MIPOL1: variants seen among roughly 807,000 people sequenced by gnomAD.
MIPOL1 encodes the protein mirror-image polydactyly gene 1 protein.
Under a neutral mutation model 60.9 loss-of-function variants are expected in MIPOL1, and 57 were observed. That is an observed-to-expected ratio of 0.94 (90% CI 0.76 to 1.17). MIPOL1 has a LOEUF of 1.17. MIPOL1 is among the 50% of genes most tolerant of loss of function. MIPOL1 has a pLI of 0.00. For missense variants in MIPOL1, 551 were observed against 511.6 expected (o/e 1.08, Z -0.74); for synonymous variants, 179 against 168.8 (o/e 1.06, Z -0.47).
intron 7 of MIPOL1, among the ~76,000 whole-genome samples, chr14:37,289,528 C>G (rs931582613): frequency 6.6e-6 from 1 of 152,126 alleles, no homozygotes; most frequent in Non-Finnish European, 1.5e-5. Flanking sequence ...GGGAATCTTA[C>G]TTACGTTTAT....
intron 1 of MIPOL1, among the ~76,000 whole-genome samples, chr14:37,224,658 A>G (rs1426163257): frequency 1.3e-5 from 2 of 152,114 alleles, no homozygotes; most frequent in Non-Finnish European, 2.9e-5. Context: ...TATGGGAGTT[A>G]TAATCCAAGA....
chr14:37,434,481 T>C (rs1322696854), intron 11 of MIPOL1: 2 of 152,072 alleles, frequency 1.3e-5, no homozygotes, highest in East Asian at 3.9e-4. Flanking sequence ...AAATATGGAA[T>C]GCTTCACGAA....
intron 11 of MIPOL1, among the ~76,000 whole-genome samples, chr14:37,472,310 C>G (rs1284557434): frequency 1.3e-5 from 2 of 152,034 alleles, no homozygotes; most frequent in African/African-American, 4.8e-5. Context: ...TGATTATTTG[C>G]TATTATTAGG....
At chr14:37,474,182 G>C (rs1002223407) in intron 11 of MIPOL1, among the ~76,000 whole-genome samples, 2 of 152,076 alleles carry the variant, frequency 1.3e-5, no homozygotes, top group Non-Finnish European at 2.9e-5. Context: ...AGACATCTTG[G>C]TTGTTTCCAA....
intron 11 of MIPOL1, among the ~76,000 whole-genome samples, chr14:37,447,179 A>G (rs2094350560): frequency 6.6e-6 from 1 of 152,144 alleles, no homozygotes; most frequent in Admixed American, 6.6e-5. Context: ...AAAGGCCACC[A>G]TTCAAGAAGT....
chr14:37,519,522 A>C (rs762542376), intron 12 of MIPOL1, among the ~76,000 whole-genome samples: 1 of 152,104 alleles, frequency 6.6e-6, no homozygotes, highest in Non-Finnish European at 1.5e-5. Context: ...TTGTGATTTT[A>C]AAACTATTTT....
intron 7 of MIPOL1, among the ~76,000 whole-genome samples, chr14:37,304,352 A>G (rs983444477): frequency 6.6e-6 from 1 of 151,614 alleles, no homozygotes; most frequent in Non-Finnish European, 1.5e-5. Flanking sequence ...TTTTATCAAA[A>G]ACTAGGGAAA....
chr14:37,530,844 G>A (rs925353532), intron 12 of MIPOL1, among the ~76,000 whole-genome samples: 1 of 151,232 alleles, frequency 6.6e-6, no homozygotes, highest in Non-Finnish European at 1.5e-5. Context: ...TTAAGATGGA[G>A]TCTCACTCTG....
At chr14:37,303,879 CCTT>C (rs758836925) in intron 7 of MIPOL1, among the ~76,000 whole-genome samples, 33 of 151,724 alleles carry the variant, frequency 2.2e-4, no homozygotes, top group Admixed American at 3.3e-4. Flanking sequence ...AAGAAGGACT[CCTT>C]CTGTATCAGA....
rs140678753 is a variant in MIPOL1, at chr14:37,223,527, A to T, written c.-198-23576A>T. ...TGTTTGTTTGTTTGTTTTGAGATGG[A>T]GTGTCACTCTCATTGCCCAGGCTGG... On this transcript the variant is annotated intron_variant, in intron 1 of 12. Coordinates refer to ENST00000684589, the MANE Select transcript of MIPOL1 (RefSeq NM_001388067.1). Among the ~76,000 whole-genome samples the T allele has an allele frequency of 5.7e-3, 860 of 151,006 alleles. 9 individuals are homozygous for T. The highest frequency in any genetic ancestry group is 0.02 in the African/African-American group (838 of 41,130).
At chr14:37,303,773 T>C (rs1023805232) in intron 7 of MIPOL1, among the ~76,000 whole-genome samples, 1 of 151,800 alleles carries the variant, frequency 6.6e-6, no homozygotes, top group African/African-American at 2.4e-5. Flanking sequence ...AGCATTATGG[T>C]CAAATTGACT....
At chr14:37,288,928 C>T (rs998739205) in intron 7 of MIPOL1, among the ~76,000 whole-genome samples, 18 of 152,136 alleles carry the variant, frequency 1.2e-4, no homozygotes, top group Non-Finnish European at 1.6e-4. Context: ...GTTCTTTTCT[C>T]ATATGAAAGA....
At chr14:37,397,448 T>C (rs1280703752) in intron 10 of MIPOL1, among the ~76,000 whole-genome samples, 3 of 152,186 alleles carry the variant, frequency 2.0e-5, no homozygotes, top group African/African-American at 2.4e-5. Flanking sequence ...TTTAATGTTC[T>C]ATTTTTGTGC....
intron 3 of MIPOL1, among the ~76,000 whole-genome samples, chr14:37,253,888 A>G (rs984783191): frequency 6.6e-6 from 1 of 151,764 alleles, no homozygotes; most frequent in Non-Finnish European, 1.5e-5. Context: ...GTGGCATCAC[A>G]GAGTATTTTT....
At chr14:37,538,374 C>A (rs868212209) in intron 12 of MIPOL1, among the ~76,000 whole-genome samples, 1 of 152,152 alleles carries the variant, frequency 6.6e-6, no homozygotes, top group African/African-American at 2.4e-5. Context: ...GAGCTTTTCT[C>A]TATACTTTAT....
chr14:37,426,626 A>G (rs985723797), intron 11 of MIPOL1, among the ~76,000 whole-genome samples: 3 of 133,718 alleles, frequency 2.2e-5, no homozygotes, highest in Non-Finnish European at 4.8e-5. Flanking sequence ...ATATGTATAT[A>G]TGTATATATA....
intron 9 of MIPOL1, among the ~76,000 whole-genome samples, chr14:37,331,070 A>C (rs988856505): frequency 6.6e-6 from 1 of 151,812 alleles, no homozygotes; most frequent in Admixed American, 6.6e-5. Flanking sequence ...TTTGTTTTTT[A>C]GTCTATCCTG....
intron 10 of MIPOL1, among the ~76,000 whole-genome samples, chr14:37,390,050 A>G (rs1278959418): frequency 2.0e-5 from 3 of 151,918 alleles, no homozygotes; most frequent in East Asian, 3.9e-4. Context: ...AAAAATATAT[A>G]TATGTATATA....
chr14:37,313,348 C>G (rs2087549508), intron 9 of MIPOL1, among the ~76,000 whole-genome samples: 1 of 151,956 alleles, frequency 6.6e-6, no homozygotes, highest in Non-Finnish European at 1.5e-5. Flanking sequence ...GATATTCTGG[C>G]AAAATTAGGC....
Sources: allele counts gnomAD v4.1 joint callset (sites outside exome capture counted in the v4.1 genomes callset), GRCh38; gene constraint gnomAD v4.1.1; transcripts MANE v1.5; gene names NCBI Gene and HGNC (gene_info 2026-07-23, HGNC 2026-07-21).